RNLS: variants seen among roughly 807,000 people sequenced by gnomAD.
RNLS encodes the protein renalase.
In RNLS, 39 loss-of-function variants were observed where a neutral mutation model predicts 39.8. That is an observed-to-expected ratio of 0.98 (90% CI 0.76 to 1.28). The LOEUF is 1.28. RNLS is among the 50% of genes most tolerant of loss of function. The probability of loss-of-function intolerance (pLI) is 0.00; values close to 1 mark genes in which losing one functional copy is unlikely to be tolerated. For missense variants in RNLS, 410 were observed against 413.3 expected, an observed-to-expected ratio of 0.99 and a Z score of 0.07; for synonymous variants, 147 against 150.7, an observed-to-expected ratio of 0.98 and a Z score of 0.18.
At chr10:88,404,371 T>G (rs571170299) in intron 4 of RNLS, among the ~76,000 whole-genome samples, 1 of 152,112 alleles carries the variant, frequency 6.6e-6, no homozygotes, top group Non-Finnish European at 1.5e-5. Context: ...ATCTGGATAA[T>G]GAAAGAGTTC....
Position 88,311,255 on chromosome 10 carries a change from G to T in RNLS, c.876+3211C>A, listed in dbSNP as rs12251460. Among the ~76,000 whole-genome samples, 620 of 152,236 alleles carry T rather than the reference G, an allele frequency of 4.1e-3. 4 individuals carry two copies. Among genetic ancestry groups the T allele is most frequent in the African/African-American group, 0.014 (573 of 41,532 alleles). On this transcript the variant is annotated intron_variant, in intron 6 of 6. Transcript: ENST00000331772. Reference sequence around the variant, plus strand: ...CATAAAATAATGGTCAGAGTATTACGGTTATCAAACTGATTAAATGTCCCC... The same window carrying T: ...CATAAAATAATGGTCAGAGTATTACTGTTATCAAACTGATTAAATGTCCCC...
chr10:88,324,827 C>T (rs976712813), intron 5 of RNLS, among the ~76,000 whole-genome samples: 1 of 152,192 alleles, frequency 6.6e-6, no homozygotes, highest in African/African-American at 2.4e-5. Flanking sequence ...CCAGCCCTGG[C>T]AACTACCATT....
chr10:88,194,272 C>T, the RNLS span, among the ~76,000 whole-genome samples: 114 of 152,316 alleles, frequency 7.5e-4, 1 homozygote, highest in African/African-American at 2.5e-3. Context: ...CCACCAGATG[C>T]AAGTAGCGTT....
chr10:88,341,987 C>T (rs1211162744), intron 5 of RNLS, among the ~76,000 whole-genome samples: 1 of 152,158 alleles, frequency 6.6e-6, no homozygotes, highest in Non-Finnish European at 1.5e-5. Context: ...GTCTACTTGG[C>T]AGGAAAGTTG....
rs1323737268 is a variant in RNLS at position 88,531,309 on chromosome 10, G to GA, written c.526+41593dup. Among the ~76,000 whole-genome samples the GA allele has an allele frequency of 5.8e-3, 736 of 126,686 alleles. 5 individuals carry two copies. The highest frequency in any genetic ancestry group is 0.019 in the South Asian group (75 of 4,026). 83.1% of individuals were successfully genotyped at this position (126,686 alleles called of 152,430 possible). A position where few individuals can be genotyped will look rare whatever the true frequency, so the allele number is the denominator to read the frequency against. On this transcript the variant is annotated intron_variant, in intron 4 of 6. Transcript: ENST00000331772. Reference sequence around the variant, plus strand: ...AAGCAGAAGGGCTTGTTGAAGTACTGAAAAAAAAAAAAAGGCAACTATAAG... The same window carrying GA: ...AAGCAGAAGGGCTTGTTGAAGTACTGAAAAAAAAAAAAAAGGCAACTATAAG...
Position 88,497,046 on chromosome 10 carries a change from TC to T in RNLS, c.526+75856del, listed in dbSNP as rs533507586. Among the ~76,000 whole-genome samples the T allele has an allele frequency of 6.6e-4, 101 of 151,924 alleles. 1 individual carries two copies. In the South Asian group the frequency reaches 7.1e-3, roughly 11 times the overall value. The stretch of plus-strand genomic sequence containing the variant: ...AAAAATGAACACATTATGTAATGAG[TC>T]CCAGGAAGAATGAACCTGATTGCTA... On this transcript the variant is annotated intron_variant, in intron 4 of 6. Transcript: ENST00000331772.
At chr10:88,302,746 C>T (rs116609382) in intron 6 of RNLS, among the ~76,000 whole-genome samples, 67 of 152,170 alleles carry the variant, frequency 4.4e-4, no homozygotes, top group African/African-American at 1.6e-3. Context: ...TGGCTGACTA[C>T]TTTGAAGAGG....
chr10:88,286,535 G>T (rs567038324), intron 6 of RNLS, among the ~76,000 whole-genome samples: 1 of 152,142 alleles, frequency 6.6e-6, no homozygotes, highest in Non-Finnish European at 1.5e-5. Context: ...ACCAGAATAT[G>T]AAAACTTGTT....
chr10:88,572,720 A>G (rs1054157812), intron 4 of RNLS, among the ~76,000 whole-genome samples, 183 bp downstream of exon 4: 5 of 152,254 alleles, frequency 3.3e-5, no homozygotes, highest in African/African-American at 1.2e-4. Flanking sequence ...CTTTAAAAAC[A>G]TTCTATGGGT....
At chr10:88,418,451 T>A (rs1854174637) in intron 4 of RNLS, among the ~76,000 whole-genome samples, 1 of 152,222 alleles carries the variant, frequency 6.6e-6, no homozygotes, top group Admixed American at 6.5e-5. Context: ...AGATGCATTG[T>A]TAATCCATCA....
chr10:88,191,495 A>G, the RNLS span, among the ~76,000 whole-genome samples: 1 of 152,100 alleles, frequency 6.6e-6, no homozygotes, highest in African/African-American at 2.4e-5. Flanking sequence ...AATCAAGTCA[A>G]TTAACCTAGA....
chr10:88,509,451 A>AG (rs35996043), intron 4 of RNLS, among the ~76,000 whole-genome samples: 61,000 of 145,118 alleles, frequency 0.42, 13,387 homozygotes, highest in East Asian at 0.57. Flanking sequence ...AGAGAGAGAG[A>AG]AAAAAAAGGA....
chr10:88,289,933 C>T (rs1217309445), intron 6 of RNLS, among the ~76,000 whole-genome samples: 8 of 152,062 alleles, frequency 5.3e-5, no homozygotes, highest in Non-Finnish European at 7.4e-5. Context: ...TAAGTTGAAC[C>T]ACATAAACTT....
the RNLS span, among the ~76,000 whole-genome samples, chr10:88,180,581 C>T: frequency 1.2e-4 from 18 of 152,212 alleles, no homozygotes; most frequent in East Asian, 1.9e-4. Flanking sequence ...AAAAAATGTA[C>T]GTGTGCGTGT....
At chr10:88,310,040 T>G (rs1845237572) in intron 6 of RNLS, among the ~76,000 whole-genome samples, 1 of 151,692 alleles carries the variant, frequency 6.6e-6, no homozygotes, top group African/African-American at 2.4e-5. Context: ...TGATGAAACC[T>G]CACCTCTACA....
At chr10:88,344,278 TTTAGTAAAGAGAAGTTTTTGCCTTGACA>T (rs1848166255) in intron 5 of RNLS, among the ~76,000 whole-genome samples, 2 of 152,116 alleles carry the variant, frequency 1.3e-5, no homozygotes, top group South Asian at 4.1e-4. Context: ...ATCCATTTGG[TTTAGTAAAGAGAAGTTTTTGCCTTGACA>T]TTATAAAATG....
chr10:88,254,332 CAG>C, the RNLS span, among the ~76,000 whole-genome samples: 7 of 152,242 alleles, frequency 4.6e-5, no homozygotes, highest in African/African-American at 9.6e-5. Context: ...CAAGATGAGT[CAG>C]AGTCTTTCTC....
At chr10:88,425,082 T>C (rs1027348243) in intron 4 of RNLS, among the ~76,000 whole-genome samples, 1 of 152,138 alleles carries the variant, frequency 6.6e-6, no homozygotes, top group Non-Finnish European at 1.5e-5. Context: ...AACTGGGTGA[T>C]ATCCATGCCA....
rs559684329 is a variant in RNLS, at chr10:88,319,863, T to C, written c.701-5222A>G. On this transcript the variant is annotated intron_variant, in intron 5 of 6. Transcript: ENST00000331772. ...AAAAGAAAGCAACCTGGAAAACATA[T>C]TGGAGACAGTAATTCAGGAAAATCT... Among the ~76,000 whole-genome samples the C allele has an allele frequency of 2.0e-5, 3 of 152,214 alleles. No individual in the cohort carries two copies. The South Asian group carries it at 6.2e-4, about 32-fold the overall frequency.
Sources: allele counts gnomAD v4.1 joint callset (sites outside exome capture counted in the v4.1 genomes callset), GRCh38; gene constraint gnomAD v4.1.1; transcripts MANE v1.5; gene names NCBI Gene and HGNC (gene_info 2026-07-23, HGNC 2026-07-21).